Variants in PTPRD observed in about 807,000 individuals in gnomAD.
PTPRD encodes receptor-type tyrosine-protein phosphatase delta.
Under a neutral mutation model 214.5 loss-of-function variants are expected in PTPRD, and 34 were observed. The ratio of observed to expected loss-of-function variants is 0.16; its 90% confidence interval spans 0.12 to 0.21. The LOEUF is 0.21. Ranked by LOEUF, PTPRD falls within the 10% of genes least tolerant of loss-of-function variation. PTPRD has a pLI of 1.00. For synonymous variants in PTPRD, 1,128 were observed against 845.7 expected (o/e 1.33, Z -5.79); for missense variants, 2,545 against 2,398.7 (o/e 1.06, Z -1.27).
intron 2 of PTPRD, among the ~76,000 whole-genome samples, chr9:10,409,318 T>A (rs1262541286): frequency 6.6e-6 from 1 of 151,772 alleles, no homozygotes; most frequent in Non-Finnish European, 1.5e-5. Flanking sequence ...TATAAAGTTG[T>A]GTAACTAATG....
chr9:10,492,487 G>C (rs10120144), intron 2 of PTPRD, among the ~76,000 whole-genome samples: 102,457 of 151,974 alleles, frequency 0.67, 36,779 homozygotes, highest in Middle Eastern at 0.84. Context: ...TTTTTCATAT[G>C]TTTATTGGCC....
intron 4 of PTPRD, among the ~76,000 whole-genome samples, chr9:9,958,074 T>C (rs540399263): frequency 3.3e-5 from 5 of 152,258 alleles, no homozygotes; most frequent in South Asian, 4.1e-4. Flanking sequence ...TCATAAAGCA[T>C]AACTTAAAAT....
At chr9:9,941,463 C>T (rs2091428649) in intron 4 of PTPRD, among the ~76,000 whole-genome samples, 1 of 152,112 alleles carries the variant, frequency 6.6e-6, no homozygotes, top group African/African-American at 2.4e-5. Context: ...GCTGGGATTA[C>T]AGGAACCCAG....
intron 10 of PTPRD, among the ~76,000 whole-genome samples, chr9:9,077,314 A>T (rs1265442948): frequency 6.6e-6 from 1 of 151,970 alleles, no homozygotes; most frequent in Admixed American, 6.6e-5. Flanking sequence ...TAATGAAAAA[A>T]TACCATGGGT....
intron 3 of PTPRD, among the ~76,000 whole-genome samples, chr9:10,060,897 C>CTTCCTTCT (rs1555531626): frequency 0.015 from 1,054 of 70,496 alleles, 15 homozygotes; most frequent in Middle Eastern, 0.021. Flanking sequence ...TCCTTCCTTC[C>CTTCCTTCT]TTCTTTCTTT....
At chr9:10,327,108 C>A (rs574417849) in intron 3 of PTPRD, among the ~76,000 whole-genome samples, 1 of 149,494 alleles carries the variant, frequency 6.7e-6, no homozygotes, top group East Asian at 2.0e-4. Context: ...ATATCATGTA[C>A]ATTACATATA....
chr9:8,446,535 C>G lies in PTPRD; in HGVS notation c.3988+3190G>C, dbSNP rs546201578. 2.6e-5 allele frequency among the ~76,000 whole-genome samples: 4 copies of G among 152,276 alleles called. 1 individual carries two copies. The South Asian group carries it at 8.3e-4, about 32-fold the overall frequency. On this transcript the variant is annotated intron_variant, in intron 34 of 45. Transcript: ENST00000381196. ...ATCAATTTGCCTTTGGGAACAAATT[C>G]TGTACTAGGTACTGGTTATATAAAT... is the stretch of plus-strand genomic sequence containing the variant.
intron 7 of PTPRD, among the ~76,000 whole-genome samples, chr9:9,622,630 C>T (rs897728828): frequency 1.3e-5 from 2 of 152,092 alleles, no homozygotes; most frequent in Admixed American, 1.3e-4. Flanking sequence ...AAGTTCTGAT[C>T]ATTGCTGGGA....
intron 35 of PTPRD, among the ~76,000 whole-genome samples, chr9:8,419,099 T>C (rs2131467161): frequency 6.6e-6 from 1 of 151,958 alleles, no homozygotes; most frequent in Admixed American, 6.6e-5. Context: ...TGCACACCTG[T>C]AGTCCCAGCT....
chr9:8,404,165 C>T (rs933279727), intron 36 of PTPRD, among the ~76,000 whole-genome samples: 1 of 152,112 alleles, frequency 6.6e-6, no homozygotes, highest in Non-Finnish European at 1.5e-5. Flanking sequence ...CTCTGTTGCC[C>T]AGGCTGGGGC....
chr9:8,603,497 T>C (rs1368816604), intron 14 of PTPRD, among the ~76,000 whole-genome samples: 3 of 151,014 alleles, frequency 2.0e-5, no homozygotes, highest in Admixed American at 6.6e-5. Flanking sequence ...TTCTCACTTA[T>C]TTGAGAACTT....
intron 11 of PTPRD, among the ~76,000 whole-genome samples, chr9:8,794,905 C>G (rs2096364058): frequency 6.6e-6 from 1 of 151,098 alleles, no homozygotes; most frequent in African/African-American, 2.4e-5. Flanking sequence ...GATAAATGGT[C>G]AATGAGTGAC....
At chr9:8,373,804 TTATGTATG>T (rs778163862) in intron 39 of PTPRD, among the ~76,000 whole-genome samples, 4,219 of 126,978 alleles carry the variant, frequency 0.033, 93 homozygotes, top group Non-Finnish European at 0.046. Flanking sequence ...ATTTTAAAAA[TTATGTATG>T]TATGTATGTA....
intron 2 of PTPRD, among the ~76,000 whole-genome samples, chr9:10,366,541 A>G (rs996760899): frequency 2.0e-5 from 3 of 152,206 alleles, no homozygotes; most frequent in African/African-American, 4.8e-5. Flanking sequence ...GTGAATTGTT[A>G]TACTTAAGAC....
intron 2 of PTPRD, among the ~76,000 whole-genome samples, chr9:10,417,026 G>C (rs1286127552): frequency 6.6e-6 from 1 of 151,844 alleles, no homozygotes; most frequent in East Asian, 2.0e-4. Flanking sequence ...GAATAGTAGA[G>C]GGTGTTGATG....
chr9:10,213,365 T>C (rs750191039), intron 3 of PTPRD, among the ~76,000 whole-genome samples: 3 of 152,066 alleles, frequency 2.0e-5, no homozygotes, highest in African/African-American at 7.2e-5. Context: ...AAGCAAACTT[T>C]GTGTACAAGT....
rs149338837 is a variant in PTPRD, at chr9:9,129,381, G to A, written c.-143+53923C>T. 9.1e-4 allele frequency among the ~76,000 whole-genome samples: 139 copies of A among 152,044 alleles called. 2 individuals carry two copies. In the East Asian group the frequency reaches 0.019, roughly 21 times the overall value. On this transcript the variant is annotated intron_variant, in intron 10 of 45. Coordinates refer to ENST00000381196, the MANE Select transcript of PTPRD (RefSeq NM_002839.4). Reference sequence around the variant, plus strand: ...CTCCAGCCTGGGCAACAGAGACTCCGTCTCAATAAATAAATAAATAAATAA... The same window carrying A: ...CTCCAGCCTGGGCAACAGAGACTCCATCTCAATAAATAAATAAATAAATAA...
intron 2 of PTPRD, among the ~76,000 whole-genome samples, chr9:10,401,895 C>G (rs1470686314): frequency 6.6e-6 from 1 of 150,988 alleles, no homozygotes; most frequent in Admixed American, 6.6e-5. Context: ...ATATTTACAT[C>G]TGATAATCAT....
chr9:8,518,132 G>A lies in PTPRD; in HGVS notation c.1259C>T (p.Ala420Val), dbSNP rs780812384. ...TQTSEQAPSSAPRDVQARMLS... is the reference protein window; with the variant it reads ...TQTSEQAPSSVPRDVQARMLS... ...CATTCGTGCCTGGACATCCCTCGGGGCACTGGATGGTGCTTGCTCTGAGGT... is the reference window on the plus strand; with the variant it reads ...CATTCGTGCCTGGACATCCCTCGGGACACTGGATGGTGCTTGCTCTGAGGT... The change falls in exon 21 of 46, where the codon GCC becomes GTC. Residue 420 changes from alanine to valine, a missense_variant. By Grantham distance (64) the Ala-to-Val change is moderately conservative. Coordinates refer to ENST00000381196, the MANE Select transcript of PTPRD (RefSeq NM_002839.4). The A allele has an allele frequency of 8.7e-6, 14 of 1,614,014 alleles. No homozygotes were observed. The highest frequency in any genetic ancestry group is 1.2e-5 in the Non-Finnish European group (14 of 1,180,032).
Sources: allele counts gnomAD v4.1 joint callset (sites outside exome capture counted in the v4.1 genomes callset), GRCh38; gene constraint gnomAD v4.1.1; transcripts MANE v1.5; gene names NCBI Gene and HGNC (gene_info 2026-07-23, HGNC 2026-07-21).